Variants in PMFBP1 observed in about 807,000 individuals in gnomAD.
PMFBP1 encodes polyamine modulated factor 1 binding protein 1.
PMFBP1 carries 131 observed loss-of-function variants against 137.8 expected under a neutral mutation model. The ratio of observed to expected loss-of-function variants is 0.95; its 90% CI spans 0.82 to 1.10. The LOEUF is 1.10. Ranked by LOEUF, PMFBP1 falls within the 50% of genes least tolerant of loss-of-function variation. The probability of loss-of-function intolerance (pLI) is 0.00; values close to 1 mark genes in which losing one functional copy is unlikely to be tolerated. For synonymous variants in PMFBP1, 490 were observed against 450.4 expected, an observed-to-expected ratio of 1.09 and a Z score of -1.11; for missense variants, 1,199 against 1,175.4, an observed-to-expected ratio of 1.02 and a Z score of -0.29.
chr16:72,155,968 G>A (rs1327242416), intron 3 of PMFBP1, among the ~76,000 whole-genome samples: 1 of 151,786 alleles, frequency 6.6e-6, no homozygotes, highest in Non-Finnish European at 1.5e-5. Context: ...TCATTTTTTG[G>A]CTTCTTATAA....
chr16:72,119,638 C>T, intron 20 of PMFBP1: 2 of 1,443,876 alleles, frequency 1.4e-6, no homozygotes, highest in Non-Finnish European at 1.8e-6. Context: ...AGATGTGAGG[C>T]ACTTGGGTAT....
At chr16:72,182,436 C>T in the PMFBP1 span, among the ~76,000 whole-genome samples, 1 of 141,726 alleles carries the variant, frequency 7.1e-6, no homozygotes, top group Non-Finnish European at 1.5e-5. Context: ...GCAGAGGTGG[C>T]AGTGAGCTGA....
chr16:72,125,462 G>C, intron 15 of PMFBP1, 57 bp from the exon 16 acceptor site: 1 of 1,567,964 alleles, frequency 6.4e-7, no homozygotes, highest in Non-Finnish European at 8.6e-7. Context: ...CCTCTCTGCT[G>C]AGTCCTGAAT....
the PMFBP1 span, among the ~76,000 whole-genome samples, chr16:72,232,348 G>A: frequency 6.6e-6 from 1 of 152,096 alleles, no homozygotes; most frequent in African/African-American, 2.4e-5. Flanking sequence ...CTAAACACAA[G>A]GGCAGCTGTC....
chr16:72,225,930 CACAG>C, the PMFBP1 span, among the ~76,000 whole-genome samples: 3 of 111,314 alleles, frequency 2.7e-5, no homozygotes, highest in East Asian at 2.3e-4. Flanking sequence ...CATGCACACT[CACAG>C]ACACACACAC....
At chr16:72,241,199 C>T in the PMFBP1 span, among the ~76,000 whole-genome samples, 1 of 152,252 alleles carries the variant, frequency 6.6e-6, no homozygotes, top group Admixed American at 6.5e-5. Context: ...TCTCACCGAC[C>T]ACTGAAACAG....
At chr16:72,149,274 G>A (rs535843770) in intron 5 of PMFBP1, among the ~76,000 whole-genome samples, 67 of 152,336 alleles carry the variant, frequency 4.4e-4, no homozygotes, top group African/African-American at 1.6e-3. Context: ...GTGGATGGGT[G>A]TGGGGAAATA....
At chr16:72,149,368 A>C (rs2042864393) in intron 5 of PMFBP1, among the ~76,000 whole-genome samples, 1 of 152,232 alleles carries the variant, frequency 6.6e-6, no homozygotes. Context: ...AAACAATAAA[A>C]ATAAGCATAT....
the PMFBP1 span, among the ~76,000 whole-genome samples, chr16:72,184,055 G>C: frequency 2.0e-5 from 3 of 152,096 alleles, no homozygotes; most frequent in African/African-American, 7.2e-5. Context: ...AATGCTTTCT[G>C]TCCTTGGTTT....
At chr16:72,145,049 A>C (rs2042784333) in intron 5 of PMFBP1, among the ~76,000 whole-genome samples, 1 of 151,946 alleles carries the variant, frequency 6.6e-6, no homozygotes, top group Non-Finnish European at 1.5e-5. Flanking sequence ...CATCTACAGA[A>C]CTCTCCACCC....
chr16:72,215,726 A>G, the PMFBP1 span, among the ~76,000 whole-genome samples: 11 of 152,322 alleles, frequency 7.2e-5, no homozygotes, highest in Non-Finnish European at 7.3e-5. Flanking sequence ...CCCTGTAAAA[A>G]CACACAAAAA....
chr16:72,157,509 C>G (rs1217677345), intron 3 of PMFBP1, among the ~76,000 whole-genome samples: 1 of 152,050 alleles, frequency 6.6e-6, no homozygotes, highest in African/African-American at 2.4e-5. Context: ...ATTTGAGGAG[C>G]CCCAGGGGTT....
intron 9 of PMFBP1, among the ~76,000 whole-genome samples, chr16:72,133,773 C>A (rs2042583907): frequency 6.6e-6 from 1 of 152,088 alleles, no homozygotes; most frequent in South Asian, 2.1e-4. Context: ...AAGGCAGGGT[C>A]CTAATAGATA....
chr16:72,207,118 G>A, the PMFBP1 span, among the ~76,000 whole-genome samples: 2 of 152,152 alleles, frequency 1.3e-5, no homozygotes, highest in Non-Finnish European at 2.9e-5. Flanking sequence ...AGATTTTCAA[G>A]TGGAGACAGA....
the PMFBP1 span, among the ~76,000 whole-genome samples, chr16:72,203,458 G>T: frequency 1.3e-5 from 2 of 152,300 alleles, no homozygotes; most frequent in East Asian, 3.9e-4. Flanking sequence ...CTATTTTTCA[G>T]ATGCGTTTGT....
chr16:72,117,034 C>CAAAA (rs35283042), downstream of PMFBP1, among the ~76,000 whole-genome samples: 5 of 117,074 alleles, frequency 4.3e-5, no homozygotes, highest in African/African-American at 1.5e-4. Context: ...CCTATTTCTG[C>CAAAA]AAAAAAAAAA....
rs557890745 is a variant in PMFBP1, at chr16:72,140,974, G to A, written c.637-392C>T. On this transcript the variant is annotated intron_variant, in intron 5 of 20. Transcript: ENST00000237353. ...TTTTGAGATGGAGTCTCACTCTGTC[G>A]CCCAGGCTGGAGTGCAGTGGCACTA... Among the ~76,000 whole-genome samples the A allele has an allele frequency of 3.2e-4, 37 of 116,034 alleles. No individual in the cohort carries two copies. In the East Asian group the frequency reaches 3.7e-3, roughly 12 times the overall value. 76.1% of individuals were successfully genotyped at this position (116,034 alleles called of 152,430 possible). A position where few individuals can be genotyped will look rare whatever the true frequency, so the allele number is the denominator to read the frequency against.
At chr16:72,217,288 TTAA>T in the PMFBP1 span, among the ~76,000 whole-genome samples, 1 of 152,210 alleles carries the variant, frequency 6.6e-6, no homozygotes, top group African/African-American at 2.4e-5. Flanking sequence ...TTATTTATAA[TTAA>T]TAATATTATA....
chr16:72,130,650 A>G lies in PMFBP1; in HGVS notation c.1520T>C (p.Leu507Pro). ...CTTGTCCAGGAGGAGACCCTTCTGC[A>G]GTTTCCTCTGGGTGTCCTCCAGGTG... Reference protein sequence around the residue: ...GCHLEDTQRKLQKGLLLDKQK... With the variant: ...GCHLEDTQRKPQKGLLLDKQK... Residue 507 changes from leucine to proline, a missense_variant, in exon 11 of 21, where the codon CTG becomes CCG. By Grantham distance (98) the Leu-to-Pro change is moderately conservative. Coordinates refer to ENST00000237353, the MANE Select transcript of PMFBP1 (RefSeq NM_031293.3). The G allele has an allele frequency of 6.2e-7, 1 of 1,613,908 alleles. No individual in the cohort carries two copies. The highest frequency in any genetic ancestry group is 1.1e-5 in the South Asian group (1 of 91,074).
Sources: allele counts gnomAD v4.1 joint callset (sites outside exome capture counted in the v4.1 genomes callset), GRCh38; gene constraint gnomAD v4.1.1; transcripts MANE v1.5; gene names NCBI Gene and HGNC (gene_info 2026-07-23, HGNC 2026-07-21).